Variants in HCN2 observed in about 807,000 individuals in gnomAD.
The protein encoded by HCN2 is hyperpolarization activated cyclic nucleotide gated potassium and sodium channel 2, also known as potassium/sodium hyperpolarization-activated cyclic nucleotide-gated channel 2.
A neutral mutation model predicts 52.3 loss-of-function variants in HCN2; 20 were observed. The observed-to-expected ratio is 0.38, with a 90% CI of 0.27 to 0.56. The LOEUF (loss-of-function observed/expected upper bound fraction) is 0.56. Ranked by LOEUF, HCN2 falls within the 20% of genes least tolerant of loss-of-function variation. The pLI is 0.71. For synonymous variants in HCN2, 694 were observed against 537.0 expected, an observed-to-expected ratio of 1.29 and a Z score of -4.04; for missense variants, 981 against 1,207.7, an observed-to-expected ratio of 0.81 and a Z score of 2.78.
At position 590,677 on chromosome 19, in the gene HCN2, C is replaced by T. The variant is rs1982842963; in HGVS notation, c.632+100C>T. ...GCCTGGGGAGGGCGGGGCGGCGCGC[C>T]GGGCCGGTGACCTCGGGGCTCCTCG... is the stretch of plus-strand genomic sequence containing the variant. On this transcript the variant is annotated intron_variant, in intron 1 of 7. Coordinates refer to ENST00000251287, the MANE Select transcript of HCN2 (RefSeq NM_001194.4). The surrounding 1 kb of genome is among the most constrained non-coding windows in gnomAD (Gnocchi z 7.2). 4 of 972,792 alleles carry T rather than the reference C, an allele frequency of 4.1e-6. No homozygotes were observed. Among genetic ancestry groups the T allele is most frequent in the Non-Finnish European group, 4.0e-6 (3 of 756,426 alleles). 60.3% of individuals were successfully genotyped at this position (972,792 alleles called of 1,614,324 possible).
chr19:613,365 G>C lies in HCN2; in HGVS notation c.1702G>C (p.Gly568Arg). 3 of 1,612,928 alleles carry C rather than the reference G, an allele frequency of 1.9e-6. No homozygotes were observed. Among genetic ancestry groups the C allele is most frequent in the Non-Finnish European group, 2.5e-6 (3 of 1,179,874 alleles). Residue 568 changes from glycine to arginine, a missense_variant, in exon 6 of 8, where the codon GGT (glycine) becomes CGT (arginine). By Grantham distance (125) the Gly-to-Arg change is moderately radical (BLOSUM62 -2). Coordinates refer to ENST00000251287, the MANE Select transcript of HCN2 (RefSeq NM_001194.4). ...GCTCAAGTTCGAGGTCTTCCAGCCG[G>C]GTGACTACATCATCCGCGAAGGCAC... ...TKLKFEVFQP[G>R]DYIIREGTIG...
At position 613,499 on chromosome 19, in the gene HCN2, G is replaced by A. The variant is rs1345300009; in HGVS notation, c.1825+11G>A. 1.3e-6 allele frequency: 2 copies of A among 1,581,868 alleles called. No homozygotes were observed. Among genetic ancestry groups the A allele is most frequent in the Non-Finnish European group, 1.7e-6 (2 of 1,159,270 alleles). ...GCTCCTACTTCGGGGGTGAGCTTGA[G>A]GGGGGCGCGCCTGGAGGGGGAGGGG... On this transcript the variant is annotated intron_variant, in intron 6 of 7. Transcript: ENST00000251287.
At chr19:614,327 G>A (rs1371170670) in intron 7 of HCN2, among the ~76,000 whole-genome samples, 3 of 152,200 alleles carry the variant, frequency 2.0e-5, no homozygotes, top group African/African-American at 4.8e-5. Flanking sequence ...GGGTGTTTGC[G>A]GTTGTGCCGA....
At position 604,059 on chromosome 19, in the gene HCN2, G is replaced by T. The variant is rs1302436766; in HGVS notation, c.1056+92G>T. 5.0e-6 allele frequency: 5 copies of T among 1,001,224 alleles called. No individual in the cohort carries two copies. In the Admixed American group the frequency reaches 7.2e-5, roughly 14 times the overall value. 62.0% of individuals were successfully genotyped at this position (1,001,224 alleles called of 1,614,324 possible). ...AAGGCAGCAGGGGCGGGGCTATAAT[G>T]GTGCATGGGTGGGGCCAAGGCAGCA... On this transcript the variant is annotated intron_variant, in intron 2 of 7. Transcript: ENST00000251287.
intron 5 of HCN2, among the ~76,000 whole-genome samples, chr19:611,521 C>A (rs1983637056): frequency 6.6e-6 from 1 of 152,206 alleles, no homozygotes; most frequent in South Asian, 2.1e-4. Context: ...CCCGGGAATG[C>A]CTCTGGGGGG....
At position 590,007 on chromosome 19, in the gene HCN2, GGCC is replaced by G. The variant is rs961585316; in HGVS notation, c.81_83del (p.Pro28del). On this transcript the variant is annotated inframe_deletion, in exon 1 of 8. Coordinates refer to ENST00000251287, the MANE Select transcript of HCN2 (RefSeq NM_001194.4). This position sits in a 1 kb window ranked among gnomAD's most constrained non-coding sequence, Gnocchi z 7.2. Reference sequence around the variant, plus strand: ...AGCCCGGGCGCGACCCCCGCGCCGGGGCCGCCGCCGCCGCCGCCGCCCGCGCCC... The same window carrying G: ...AGCCCGGGCGCGACCCCCGCGCCGGGGCCGCCGCCGCCGCCGCCCGCGCCC... The G allele has an allele frequency of 1.9e-3, 1,204 of 637,450 alleles. No individual in the cohort carries two copies. The highest frequency in any genetic ancestry group is 3.3e-3 in the Middle Eastern group (4 of 1,212). The allele number at this position is 637,450 out of a possible 1,614,324, so 39.5% of individuals were successfully genotyped here.
chr19:604,982 G>C (rs941221732), intron 2 of HCN2, 79 bp from the exon 3 acceptor site: 34 of 1,482,096 alleles, frequency 2.3e-5, no homozygotes, highest in Non-Finnish European at 2.8e-5. Flanking sequence ...CTCCCGCAGT[G>C]GGGGCGCACG....
At chr19:597,109 A>G (rs1442950449) in intron 1 of HCN2, among the ~76,000 whole-genome samples, 1 of 152,190 alleles carries the variant, frequency 6.6e-6, no homozygotes, top group Non-Finnish European at 1.5e-5. Context: ...GCCCAGCCCC[A>G]CAAGGGACCC....
chr19:590,266 G>A lies in HCN2; in HGVS notation c.321G>A (p.Pro107=), dbSNP rs1221907324. 1.0e-6 allele frequency: 1 copy of A among 989,666 alleles called. No individual in the cohort carries two copies. The highest frequency in any genetic ancestry group is 5.2e-4 in the Middle Eastern group (1 of 1,938). 61.3% of individuals were successfully genotyped at this position (989,666 alleles called of 1,614,324 possible). ...ACGGCGAGTGCGGGCGCGGCGAGCC[G>A]CAGTGCAGCCCCGCGGGGCCCGAGG... ...SPNGECGRGE[P]QCSPAGPEGP... Residue 107 remains proline, a synonymous_variant, in exon 1 of 8, where the codon CCG becomes CCA. Coordinates refer to ENST00000251287, the MANE Select transcript of HCN2 (RefSeq NM_001194.4). This position sits in a 1 kb window ranked among gnomAD's most constrained non-coding sequence, Gnocchi z 7.2.
chr19:609,914 G>C (rs1222625885), intron 4 of HCN2, among the ~76,000 whole-genome samples: 1 of 152,194 alleles, frequency 6.6e-6, no homozygotes, highest in African/African-American at 2.4e-5. Flanking sequence ...AAAAAAAATG[G>C]AATTTATCAT....
chr19:605,881 A>G (rs1462365856), intron 3 of HCN2, among the ~76,000 whole-genome samples: 1 of 151,350 alleles, frequency 6.6e-6, no homozygotes, highest in Admixed American at 6.6e-5. Context: ...GGGAGGACTC[A>G]GGCCTCTTTA....
At chr19:607,586 C>T (rs879474246) in intron 3 of HCN2, among the ~76,000 whole-genome samples, 10 of 152,298 alleles carry the variant, frequency 6.6e-5, no homozygotes, top group East Asian at 1.9e-4. Flanking sequence ...CCTCCTGGGC[C>T]GGCCTGGTGT....
intron 5 of HCN2, among the ~76,000 whole-genome samples, chr19:611,721 C>G (rs1333710492): frequency 1.3e-5 from 2 of 152,146 alleles, no homozygotes; most frequent in African/African-American, 4.8e-5. Flanking sequence ...AGCCTCACTC[C>G]AGAACATTCT....
intron 1 of HCN2, among the ~76,000 whole-genome samples, chr19:595,154 A>T (rs1982987289): frequency 6.6e-6 from 1 of 152,028 alleles, no homozygotes; most frequent in Non-Finnish European, 1.5e-5. Flanking sequence ...GTGAGCTATG[A>T]TCGTGCCACT....
At position 616,943 on chromosome 19, in the gene HCN2, G is replaced by A. The variant is rs1223183686; in HGVS notation, c.*469G>A. On this transcript the variant is annotated 3_prime_UTR_variant, in exon 8 of 8. Transcript: ENST00000251287. ...ACCGGCCCGGCCCCCGTCCGCGCGC[G>A]TCCCCCGGTGACCTCGGGGAGCAGC... is the stretch of plus-strand genomic sequence containing the variant. 10 of 389,936 alleles carry A rather than the reference G, an allele frequency of 2.6e-5. No homozygotes were observed. Among genetic ancestry groups the A allele is most frequent in the African/African-American group, 1.3e-4 (6 of 47,362 alleles). 24.2% of individuals were successfully genotyped at this position (389,936 alleles called of 1,614,324 possible). A position where few individuals can be genotyped will look rare whatever the true frequency, so the allele number is the denominator to read the frequency against.
rs1310125429 is a variant in HCN2 at position 590,049 on chromosome 19, C to A, written c.104C>A (p.Pro35Gln). The A allele has an allele frequency of 3.3e-5, 19 of 571,194 alleles. No homozygotes were observed. Among genetic ancestry groups the A allele is most frequent in the African/African-American group, 8.8e-5 (4 of 45,630 alleles). The allele number at this position is 571,194 out of a possible 1,614,324, so 35.4% of individuals were successfully genotyped here. A position where few individuals can be genotyped will look rare whatever the true frequency, so the allele number is the denominator to read the frequency against. ...CCGCCCGCGCCCCCCCAACAGCAGC[C>A]GCCGCCGCCGCCGCCGCCCGCGCCC... ...PPPPAPPQQQ[P>Q]PPPPPPAPPP... The change falls in exon 1 of 8, where the codon CCG (proline) becomes CAG (glutamine). Residue 35 changes from proline to glutamine, a missense_variant. This residue lies in a region of HCN2 where 215 missense variants were observed against 179.4 expected (regional missense o/e 1.20). Transcript: ENST00000251287. The surrounding 1 kb of genome is among the most constrained non-coding windows in gnomAD (Gnocchi z 7.2).
intron 5 of HCN2, among the ~76,000 whole-genome samples, chr19:611,935 C>CT (rs1983653769): frequency 6.6e-6 from 1 of 152,152 alleles, no homozygotes; most frequent in Non-Finnish European, 1.5e-5. Flanking sequence ...CACCTGAGGT[C>CT]AGGAGTTCGA....
At chr19:609,555 C>T (rs957307785) in intron 4 of HCN2, among the ~76,000 whole-genome samples, 1 of 152,232 alleles carries the variant, frequency 6.6e-6, no homozygotes, top group Admixed American at 6.5e-5. Flanking sequence ...CGCCTGAGGT[C>T]AGGAGTTTAA....
chr19:616,039 G>A lies in HCN2; in HGVS notation c.2235G>A (p.Pro745=), dbSNP rs764144062. The A allele has an allele frequency of 1.5e-4, 195 of 1,261,888 alleles. No individual in the cohort carries two copies. The highest frequency in any genetic ancestry group is 1.8e-4 in the Non-Finnish European group (182 of 1,008,006). 78.2% of individuals were successfully genotyped at this position (1,261,888 alleles called of 1,614,324 possible). A position where few individuals can be genotyped will look rare whatever the true frequency, so the allele number is the denominator to read the frequency against. ...AMSFCPQVAR[P]LVGPLALGSP... ...GCTTCTGCCCGCAGGTGGCGCGGCC[G>A]CTCGTGGGGCCGCTGGCGCTCGGCT... The change falls in exon 8 of 8, where the codon CCG becomes CCA. Residue 745 remains proline (P), a synonymous_variant. Transcript: ENST00000251287.
Sources: gnomAD v4.1 joint callset for allele counts (sites outside exome capture counted in the v4.1 genomes callset) on GRCh38, gnomAD v4.1.1 for gene constraint, gnomAD v4.1.1 regional missense constraint, Gnocchi (gnomAD v3.1) non-coding constraint, MANE v1.5 for transcripts, NCBI Gene and HGNC (gene_info 2026-07-23, HGNC 2026-07-21) for gene names.